The following SAMD12 variants were observed in gnomAD, a reference collection of about 807,000 sequenced individuals.
SAMD12 encodes sterile alpha motif domain containing 12.
SAMD12 carries 9 observed loss-of-function variants against 15.0 expected under a neutral mutation model. The observed-to-expected ratio is 0.60, with a 90% CI of 0.36 to 1.05. SAMD12 has a LOEUF of 1.05. SAMD12 is among the 50% of genes least tolerant of loss of function. SAMD12 has a pLI of 0.01. For missense variants in SAMD12, 230 were observed against 234.2 expected (o/e 0.98, Z 0.12); for synonymous variants, 86 against 90.1 (o/e 0.96, Z 0.25).
intron 3 of SAMD12, among the ~76,000 whole-genome samples, chr8:118,404,974 C>A (rs984047559): frequency 1.3e-5 from 2 of 151,992 alleles, no homozygotes; most frequent in Admixed American, 1.3e-4. Flanking sequence ...CTAATGGTAC[C>A]CTTATAAGCT....
intron 1 of SAMD12, among the ~76,000 whole-genome samples, chr8:118,588,652 C>A (rs1266929862): frequency 3.9e-5 from 6 of 152,180 alleles, no homozygotes; most frequent in Non-Finnish European, 5.9e-5. Context: ...GAAATATTTA[C>A]TGGCTGGCTC....
In SAMD12 at chr8:118,449,067, T is replaced by C. The variant is rs1021519655; in HGVS notation, c.193-9106A>G. Among the ~76,000 whole-genome samples the C allele has an allele frequency of 9.6e-4, 145 of 151,206 alleles. 1 individual carries two copies. The highest frequency in any genetic ancestry group is 3.5e-3 in the Admixed American group (54 of 15,214). On this transcript the variant is annotated intron_variant, in intron 2 of 3. Coordinates refer to ENST00000314727, the MANE Select transcript of SAMD12 (RefSeq NM_207506.3). ...GCAGCATGGACACAGGCAGTCTTTTTTTTTTTTTTTTTTGAGATGGAGTCT... is the reference window on the plus strand; with the variant it reads ...GCAGCATGGACACAGGCAGTCTTTTCTTTTTTTTTTTTTGAGATGGAGTCT...
At chr8:118,518,913 T>A (rs1305037257) in intron 2 of SAMD12, among the ~76,000 whole-genome samples, 1 of 152,054 alleles carries the variant, frequency 6.6e-6, no homozygotes, top group East Asian at 1.9e-4. Flanking sequence ...AATAAATACT[T>A]GTGAAAAGAA....
At chr8:118,231,182 A>G (rs1395809683) in intron 4 of SAMD12, among the ~76,000 whole-genome samples, 1 of 152,132 alleles carries the variant, frequency 6.6e-6, no homozygotes, top group East Asian at 1.9e-4. Context: ...ATGATAAAAT[A>G]TTTGAATTTC....
chr8:118,151,604 G>A, the SAMD12 span, among the ~76,000 whole-genome samples: 1 of 152,020 alleles, frequency 6.6e-6, no homozygotes, highest in Non-Finnish European at 1.5e-5. Context: ...TGAGGCGGGT[G>A]GATCACAAGG....
chr8:118,178,477 G>A, the SAMD12 span, among the ~76,000 whole-genome samples: 25 of 151,702 alleles, frequency 1.6e-4, no homozygotes, highest in African/African-American at 5.3e-4. Flanking sequence ...AAAAAAAATT[G>A]TTTTTTTTAG....
chr8:118,379,538 C>T lies in SAMD12; in HGVS notation c.485G>A (p.Gly162Glu). ...LTQGTLLLPD[G>E]WMDGEIRRKT... ...TCTTCTAATCTCCCCATCCATCCACCCATCAGGAAGCAATAGGGTACCTTG... is the reference window on the plus strand; with the variant it reads ...TCTTCTAATCTCCCCATCCATCCACTCATCAGGAAGCAATAGGGTACCTTG... The change falls in exon 4 of 4, where the codon GGG (glycine) becomes GAG (glutamate). Residue 162 changes from glycine to glutamate, a missense_variant. Gly to Glu is a moderately conservative substitution (Grantham distance 98). Transcript: ENST00000314727. 6.2e-7 allele frequency: 1 copy of T among 1,613,880 alleles called. No individual in the cohort carries two copies. The highest frequency in any genetic ancestry group is 8.5e-7 in the Non-Finnish European group (1 of 1,179,840).
intron 3 of SAMD12, among the ~76,000 whole-genome samples, chr8:118,382,595 G>T (rs1288537717): frequency 1.1e-4 from 16 of 152,220 alleles, no homozygotes; most frequent in Admixed American, 1.0e-3. Context: ...TTCCGACTGT[G>T]TGATACAATC....
chr8:118,334,044 CCT>C (rs1282415397), intron 4 of SAMD12, among the ~76,000 whole-genome samples: 8 of 152,032 alleles, frequency 5.3e-5, no homozygotes, highest in Non-Finnish European at 1.2e-4. Context: ...AACCAATAAT[CCT>C]CTTTCAAGAT....
intron 4 of SAMD12, among the ~76,000 whole-genome samples, chr8:118,273,867 T>C (rs1813419574): frequency 6.6e-6 from 1 of 152,158 alleles, no homozygotes; most frequent in African/African-American, 2.4e-5. Context: ...AACAGTTGTC[T>C]CCAGGAGATC....
At chr8:118,428,471 T>C (rs1822303864) in intron 3 of SAMD12, among the ~76,000 whole-genome samples, 1 of 152,148 alleles carries the variant, frequency 6.6e-6, no homozygotes, top group South Asian at 2.1e-4. Flanking sequence ...CAATTTTTTT[T>C]CTTTTAAACT....
Position 118,514,216 on chromosome 8 carries a change from C to T in SAMD12, c.192+66499G>A, listed in dbSNP as rs1586778175. Among the ~76,000 whole-genome samples, 4 of 152,262 alleles carry T rather than the reference C, an allele frequency of 2.6e-5. No individual in the cohort carries two copies. The South Asian group carries it at 8.3e-4, about 32-fold the overall frequency. ...TCTCTAATGGGTTAACCATGAAGTT[C>T]CCTAAGATGGGCTGAGGGACCACAA... On this transcript the variant is annotated intron_variant, in intron 2 of 3. Transcript: ENST00000314727.
At chr8:118,201,458 C>CA (rs1260848510) in intron 4 of SAMD12, among the ~76,000 whole-genome samples, 4 of 152,076 alleles carry the variant, frequency 2.6e-5, no homozygotes. Context: ...AAATTTTTAC[C>CA]AAAAAACCCA....
intron 4 of SAMD12, among the ~76,000 whole-genome samples, chr8:118,361,096 T>C (rs1380723666): frequency 6.6e-6 from 1 of 152,210 alleles, no homozygotes; most frequent in Admixed American, 6.5e-5. Context: ...TATCTTAACA[T>C]CATTGTTCCC....
chr8:118,418,527 T>C (rs57762320), intron 3 of SAMD12, among the ~76,000 whole-genome samples: 37,940 of 151,906 alleles, frequency 0.25, 4,977 homozygotes, highest in East Asian at 0.36. Context: ...CATGCTAGTC[T>C]AACTCGGTGA....
intron 4 of SAMD12, among the ~76,000 whole-genome samples, chr8:118,332,512 A>T (rs1368219388): frequency 1.3e-5 from 2 of 152,226 alleles, no homozygotes; most frequent in Non-Finnish European, 2.9e-5. Context: ...TAGTCACAAC[A>T]CTGATTACTC....
chr8:118,258,741 C>A (rs997214428), intron 4 of SAMD12, among the ~76,000 whole-genome samples: 1 of 152,058 alleles, frequency 6.6e-6, no homozygotes, highest in Non-Finnish European at 1.5e-5. Context: ...TTCCATCTGT[C>A]CCTTACTCTA....
chr8:118,592,245 T>C (rs1259131887), intron 1 of SAMD12, among the ~76,000 whole-genome samples: 1 of 151,838 alleles, frequency 6.6e-6, no homozygotes, highest in Non-Finnish European at 1.5e-5. Flanking sequence ...CACTTGAACC[T>C]GGGAGGCAGA....
intron 4 of SAMD12, among the ~76,000 whole-genome samples, chr8:118,208,333 T>C (rs977768354): frequency 1.3e-5 from 2 of 152,252 alleles, no homozygotes; most frequent in African/African-American, 2.4e-5. Flanking sequence ...CATTTTGTCA[T>C]ACGGAATCTT....
Sources: gnomAD v4.1 joint callset for allele counts (sites outside exome capture counted in the v4.1 genomes callset) on GRCh38, gnomAD v4.1.1 for gene constraint, MANE v1.5 for transcripts, NCBI Gene and HGNC (gene_info 2026-07-23, HGNC 2026-07-21) for gene names.